CCBE1: variants seen among roughly 807,000 people sequenced by gnomAD.
CCBE1 encodes the protein collagen and calcium binding EGF domains 1.
A neutral mutation model predicts 50.0 loss-of-function variants in CCBE1; 37 were observed. That is an observed-to-expected ratio of 0.74 (90% CI 0.57 to 0.97). The LOEUF (loss-of-function observed/expected upper bound fraction) is 0.97, where lower values mean the gene tolerates loss of function less well. Among genes scored for constraint, CCBE1 ranks in the 50% least tolerant of loss-of-function variants. The pLI, the probability that CCBE1 is intolerant of heterozygous loss-of-function variation, is 0.00. For missense variants in CCBE1, 538 were observed against 523.8 expected (o/e 1.03, Z -0.26); for synonymous variants, 234 against 203.7 (o/e 1.15, Z -1.27).
At chr18:59,623,434 A>G (rs770010465) in intron 2 of CCBE1, among the ~76,000 whole-genome samples, 6 of 152,212 alleles carry the variant, frequency 3.9e-5, no homozygotes, top group Admixed American at 2.0e-4. Context: ...GTCAGATGGC[A>G]GAGCAAACAT....
chr18:59,515,962 T>C lies in CCBE1; in HGVS notation c.213-35724A>G, dbSNP rs538744957. On this transcript the variant is annotated intron_variant, in intron 2 of 10. Coordinates refer to ENST00000439986, the MANE Select transcript of CCBE1 (RefSeq NM_133459.4). Reference sequence around the variant, plus strand: ...TGATGCTCAAGCAACATTTGTGCTTTTACTTTTATTTTTTTGAGATGGAGT... The same window carrying C: ...TGATGCTCAAGCAACATTTGTGCTTCTACTTTTATTTTTTTGAGATGGAGT... 4.1e-5 allele frequency among the ~76,000 whole-genome samples: 6 copies of C among 145,930 alleles called. No homozygotes were observed. In the South Asian group the frequency reaches 1.4e-3, roughly 34 times the overall value.
rs2054809032 is a variant in CCBE1 at position 59,696,684 on chromosome 18, C to T, written c.157G>A (p.Ala53Thr). 3 of 1,613,920 alleles carry T rather than the reference C, an allele frequency of 1.9e-6. No homozygotes were observed. Among genetic ancestry groups the T allele is most frequent in the Non-Finnish European group, 2.5e-6 (3 of 1,179,958 alleles). ...DREICSESKI[A>T]TTKYPCLKSS... ...TTCAGACACGGGTATTTAGTCGTCG[C>T]GATTTTGCTCTCTGAGCAGATTTCT... Residue 53 changes from alanine (A) to threonine (T), a missense_variant, in exon 2 of 11, where the codon GCG becomes ACG. Transcript: ENST00000439986.
At chr18:59,595,950 T>C (rs573193565) in intron 2 of CCBE1, among the ~76,000 whole-genome samples, 2 of 152,350 alleles carry the variant, frequency 1.3e-5, no homozygotes, top group East Asian at 3.9e-4. Context: ...TGCAGACTTC[T>C]TGAAAATGTC....
At chr18:59,571,579 C>T (rs2052916447) in intron 2 of CCBE1, among the ~76,000 whole-genome samples, 1 of 152,020 alleles carries the variant, frequency 6.6e-6, no homozygotes, top group Admixed American at 6.6e-5. Flanking sequence ...ACATATGTAA[C>T]AAACCTGCAC....
At chr18:59,693,119 G>C (rs962928618) in intron 2 of CCBE1, among the ~76,000 whole-genome samples, 1 of 152,120 alleles carries the variant, frequency 6.6e-6, no homozygotes, top group Non-Finnish European at 1.5e-5. Flanking sequence ...GACTTTGACT[G>C]TACATTGTTC....
At chr18:59,595,131 A>AG (rs1294239970) in intron 2 of CCBE1, among the ~76,000 whole-genome samples, 1 of 151,110 alleles carries the variant, frequency 6.6e-6, no homozygotes, top group East Asian at 1.9e-4. Flanking sequence ...AAAAAAAAAA[A>AG]AATCCATTCT....
At chr18:59,621,036 G>A (rs75172919) in intron 2 of CCBE1, among the ~76,000 whole-genome samples, 2 of 152,274 alleles carry the variant, frequency 1.3e-5, no homozygotes, top group African/African-American at 4.8e-5. Context: ...CATGTGAATG[G>A]CATCTGAAGT....
intron 2 of CCBE1, among the ~76,000 whole-genome samples, chr18:59,542,001 A>T (rs1915485057): frequency 6.6e-6 from 1 of 151,874 alleles, no homozygotes. Flanking sequence ...ACATGGTGAG[A>T]CCCTGTTTTA....
intron 2 of CCBE1, among the ~76,000 whole-genome samples, chr18:59,488,072 G>A (rs1338809786): frequency 1.3e-5 from 2 of 152,204 alleles, no homozygotes; most frequent in African/African-American, 2.4e-5. Flanking sequence ...TATGCTAAGT[G>A]AAATAAGCCC....
chr18:59,653,346 C>G (rs1023105959), intron 2 of CCBE1, among the ~76,000 whole-genome samples: 5 of 152,182 alleles, frequency 3.3e-5, no homozygotes, highest in African/African-American at 1.2e-4. Flanking sequence ...ATTGTTCATA[C>G]CCAGGTTAAG....
intron 2 of CCBE1, among the ~76,000 whole-genome samples, chr18:59,518,511 GTCA>G (rs1245761189): frequency 2.0e-5 from 3 of 152,214 alleles, no homozygotes; most frequent in Non-Finnish European, 2.9e-5. Flanking sequence ...ATCTTCTCTT[GTCA>G]TCATATTCAC....
intron 3 of CCBE1, 72 bp from the exon 4 acceptor site, chr18:59,469,679 G>A: frequency 6.3e-7 from 1 of 1,598,854 alleles, no homozygotes; most frequent in Non-Finnish European, 8.5e-7. Flanking sequence ...GCCTGGAAAG[G>A]ACTTTCTGGG....
intron 2 of CCBE1, among the ~76,000 whole-genome samples, chr18:59,670,452 G>T (rs2144707839): frequency 6.6e-6 from 1 of 152,284 alleles, no homozygotes; most frequent in East Asian, 1.9e-4. Context: ...AGGCATGTGA[G>T]CCTGGAAACA....
chr18:59,622,829 G>GAAAAAAAA (rs372756620), intron 2 of CCBE1, among the ~76,000 whole-genome samples: 2 of 137,328 alleles, frequency 1.5e-5, no homozygotes, highest in Non-Finnish European at 3.1e-5. Context: ...AAAGAAAAAA[G>GAAAAAAAA]AAAAAAAAAA....
At chr18:59,457,783 G>GT (rs1176897585) in intron 5 of CCBE1, among the ~76,000 whole-genome samples, 2 of 152,282 alleles carry the variant, frequency 1.3e-5, no homozygotes, top group Non-Finnish European at 2.9e-5. Flanking sequence ...TTTCCTTTGG[G>GT]TTTTTTACCC....
chr18:59,578,793 C>T (rs1380517906), intron 2 of CCBE1, among the ~76,000 whole-genome samples: 1 of 152,198 alleles, frequency 6.6e-6, no homozygotes, highest in South Asian at 2.1e-4. Flanking sequence ...CACCAGGGCC[C>T]GTCAGGGCTG....
At chr18:59,658,358 T>A (rs1235605334) in intron 2 of CCBE1, among the ~76,000 whole-genome samples, 708 of 2,626 alleles carry the variant, frequency 0.27, 96 homozygotes, top group East Asian at 0.53. Context: ...AAAAAAAATA[T>A]ATATATATAT....
At chr18:59,499,644 T>C (rs1417353755) in intron 2 of CCBE1, among the ~76,000 whole-genome samples, 1 of 152,174 alleles carries the variant, frequency 6.6e-6, no homozygotes, top group African/African-American at 2.4e-5. Flanking sequence ...GGGAAAGAAC[T>C]GCCCTCGTGA....
intron 7 of CCBE1, among the ~76,000 whole-genome samples, chr18:59,442,440 A>T (rs1910476338): frequency 6.6e-6 from 1 of 152,158 alleles, no homozygotes; most frequent in Admixed American, 6.6e-5. Flanking sequence ...AACATTTAAA[A>T]ATTGGGGCCA....
Sources: gnomAD v4.1 joint callset for allele counts (sites outside exome capture counted in the v4.1 genomes callset) on GRCh38, gnomAD v4.1.1 for gene constraint, MANE v1.5 for transcripts, NCBI Gene and HGNC (gene_info 2026-07-23, HGNC 2026-07-21) for gene names.